EYS: variants seen among roughly 807,000 people sequenced by gnomAD.
The protein encoded by EYS is protein eyes shut homolog.
A neutral mutation model predicts 282.1 loss-of-function variants in EYS; 250 were observed. The observed-to-expected ratio is 0.89, with a 90% CI of 0.80 to 0.98. The LOEUF (loss-of-function observed/expected upper bound fraction) is 0.98, where lower values mean the gene tolerates loss of function less well. EYS is among the 50% of genes least tolerant of loss of function. The pLI is 0.00. For synonymous variants in EYS, 1,355 were observed against 1,282.9 expected, an observed-to-expected ratio of 1.06 and a Z score of -1.20; for missense variants, 4,016 against 3,709.0, an observed-to-expected ratio of 1.08 and a Z score of -2.15.
chr6:64,432,625 C>T (rs1051455746), intron 28 of EYS, among the ~76,000 whole-genome samples: 1 of 151,660 alleles, frequency 6.6e-6, no homozygotes, highest in Non-Finnish European at 1.5e-5. Flanking sequence ...AATACACATG[C>T]ATAATTATAA....
At chr6:64,528,629 C>T (rs1030869666) in intron 26 of EYS, among the ~76,000 whole-genome samples, 2 of 151,898 alleles carry the variant, frequency 1.3e-5, no homozygotes, top group Non-Finnish European at 2.9e-5. Flanking sequence ...TATTTAGTAC[C>T]AAGTGCTTTC....
chr6:64,951,494 C>T (rs1769508152), intron 14 of EYS, among the ~76,000 whole-genome samples: 1 of 151,912 alleles, frequency 6.6e-6, no homozygotes. Context: ...AAAAAAGTTT[C>T]TTAAATGCTG....
chr6:64,500,969 C>A (rs1233527137), intron 26 of EYS, among the ~76,000 whole-genome samples: 1 of 150,514 alleles, frequency 6.6e-6, no homozygotes, highest in African/African-American at 2.4e-5. Context: ...TTGGCATTGG[C>A]ACAATTTCTT....
chr6:64,547,114 C>T (rs900084841), intron 26 of EYS, among the ~76,000 whole-genome samples: 2 of 152,200 alleles, frequency 1.3e-5, no homozygotes, highest in East Asian at 1.9e-4. Context: ...AAGCTGCAGA[C>T]CTTTGCGGTG....
At chr6:64,094,075 G>T (rs946839037) in intron 31 of EYS, among the ~76,000 whole-genome samples, 14 of 152,148 alleles carry the variant, frequency 9.2e-5, no homozygotes, top group African/African-American at 3.1e-4. Context: ...TTGCGTATGT[G>T]GAACCAGCCT....
chr6:65,305,319 T>C (rs1233899068), intron 11 of EYS, among the ~76,000 whole-genome samples: 6 of 152,242 alleles, frequency 3.9e-5, no homozygotes, highest in Non-Finnish European at 7.3e-5. Context: ...TTGTATTCTT[T>C]ATGTATTGTC....
intron 22 of EYS, among the ~76,000 whole-genome samples, chr6:64,670,238 C>T (rs1440539650): frequency 6.6e-6 from 1 of 151,930 alleles, no homozygotes; most frequent in Non-Finnish European, 1.5e-5. Flanking sequence ...CTCGTGGATC[C>T]TTCTCGCCCT....
intron 5 of EYS, among the ~76,000 whole-genome samples, chr6:65,458,635 CTGT>C (rs1256635538): frequency 6.6e-6 from 1 of 152,046 alleles, no homozygotes; most frequent in Non-Finnish European, 1.5e-5. Flanking sequence ...GAAATAGTTT[CTGT>C]TGTTAAGTTC....
At chr6:63,801,006 G>A (rs1318764654) in intron 37 of EYS, among the ~76,000 whole-genome samples, 1 of 152,160 alleles carries the variant, frequency 6.6e-6, no homozygotes, top group Non-Finnish European at 1.5e-5. Context: ...AGTATGGGGT[G>A]GAATGAAACC....
chr6:64,796,454 G>A (rs1231221487), intron 22 of EYS, among the ~76,000 whole-genome samples: 2 of 152,134 alleles, frequency 1.3e-5, no homozygotes, highest in Admixed American at 6.6e-5. Context: ...ACAGGAGTAG[G>A]AGACAGGAGT....
At chr6:65,684,879 T>TCCTCCCA (rs1293511668) in intron 1 of EYS, among the ~76,000 whole-genome samples, 1 of 151,840 alleles carries the variant, frequency 6.6e-6, no homozygotes, top group African/African-American at 2.4e-5. Context: ...GTCTTCAACC[T>TCCTCCCA]CCTCCCACCT....
intron 24 of EYS, among the ~76,000 whole-genome samples, chr6:64,597,274 A>G (rs1333381928): frequency 6.6e-6 from 1 of 152,232 alleles, no homozygotes; most frequent in African/African-American, 2.4e-5. Context: ...GTAGGAATGT[A>G]AACTAGGACA....
chr6:65,508,662 C>CAA (rs35302193), intron 2 of EYS, among the ~76,000 whole-genome samples: 3 of 109,990 alleles, frequency 2.7e-5, no homozygotes, highest in Admixed American at 9.4e-5. Flanking sequence ...GACTCCATCT[C>CAA]AAAAAAAAAA....
chr6:65,109,544 T>C (rs778708466), intron 12 of EYS, among the ~76,000 whole-genome samples: 1 of 151,986 alleles, frequency 6.6e-6, no homozygotes, highest in African/African-American at 2.4e-5. Flanking sequence ...TAGTTGGGCA[T>C]GTGAGAAGGT....
chr6:65,295,855 A>AT lies in EYS; in HGVS notation c.2023+7_2023+8insA. On this transcript the variant is annotated splice_region_variant and intron_variant, in intron 12 of 42. Transcript: ENST00000503581. The stretch of plus-strand genomic sequence containing the variant: ...AAAATTTAATTTATCAGGAAAAAAA[A>AT]AACTTGCCTTTAAATCCTGGGACAC... 1 of 1,527,282 alleles carries AT rather than the reference A, an allele frequency of 6.5e-7. No homozygotes were observed. Among genetic ancestry groups the AT allele is most frequent in the Non-Finnish European group, 8.8e-7 (1 of 1,139,672 alleles). 94.6% of individuals were successfully genotyped at this position (1,527,282 alleles called of 1,614,324 possible).
chr6:64,185,777 TGTC>T (rs1272210883), intron 31 of EYS, among the ~76,000 whole-genome samples: 16 of 152,152 alleles, frequency 1.1e-4, no homozygotes, highest in Non-Finnish European at 2.9e-5. Flanking sequence ...TGAAAATAAT[TGTC>T]ATCATCTTTG....
At chr6:64,148,301 G>A (rs1774588573) in intron 31 of EYS, among the ~76,000 whole-genome samples, 1 of 152,102 alleles carries the variant, frequency 6.6e-6, no homozygotes. Flanking sequence ...TCATTGCTAA[G>A]TTTTGTTATA....
At chr6:64,693,021 T>G (rs1371681288) in intron 22 of EYS, among the ~76,000 whole-genome samples, 2 of 6,296 alleles carry the variant, frequency 3.2e-4, no homozygotes, top group Non-Finnish European at 6.0e-4. Context: ...AATTTTAGAA[T>G]TTTTTTTTTC....
intron 22 of EYS, among the ~76,000 whole-genome samples, chr6:64,714,214 G>A (rs9363129): frequency 0.88 from 133,214 of 152,128 alleles, 58,755 homozygotes; most frequent in Middle Eastern, 0.94. Flanking sequence ...AGTGGATGAG[G>A]GAGTACACAA....
Sources: allele counts gnomAD v4.1 joint callset (sites outside exome capture counted in the v4.1 genomes callset), GRCh38; gene constraint gnomAD v4.1.1; transcripts MANE v1.5; gene names NCBI Gene and HGNC (gene_info 2026-07-23, HGNC 2026-07-21).